GFI1B: variants seen among roughly 807,000 people sequenced by gnomAD.
GFI1B encodes zinc finger protein Gfi-1b.
GFI1B carries 20 observed loss-of-function variants against 35.3 expected under a neutral mutation model. The observed-to-expected ratio is 0.57, with a 90% CI of 0.40 to 0.82. The LOEUF (loss-of-function observed/expected upper bound fraction) is 0.82. Ranked by LOEUF, GFI1B falls within the 40% of genes least tolerant of loss-of-function variation. The pLI, the probability that GFI1B is intolerant of heterozygous loss-of-function variation, is 0.00. For synonymous variants in GFI1B, 178 were observed against 177.6 expected (o/e 1.00, Z -0.02); for missense variants, 430 against 446.3 (o/e 0.96, Z 0.33).
chr9:132,985,951 G>T (rs563215773), intron 1 of GFI1B, among the ~76,000 whole-genome samples: 3 of 152,316 alleles, frequency 2.0e-5, no homozygotes, highest in Non-Finnish European at 2.9e-5. Context: ...CCCAGTCCCT[G>T]CCTTTCCTTT....
chr9:132,962,264 A>G (rs1848379423), intron 1 of GFI1B, among the ~76,000 whole-genome samples: 1 of 151,686 alleles, frequency 6.6e-6, no homozygotes, highest in South Asian at 2.1e-4. Context: ...AAGCCTCCCA[A>G]GTAGCTGGGG....
At position 132,986,866 on chromosome 9, in the gene GFI1B, G is replaced by T. The variant is rs2132641512; in HGVS notation, c.100+88G>T. Reference sequence around the variant, plus strand: ...AGGGTGCAGCAGCGTCCCTCCTGCAGCAGCCTCTTCTTCCAAGTCTGGAAA... The same window carrying T: ...AGGGTGCAGCAGCGTCCCTCCTGCATCAGCCTCTTCTTCCAAGTCTGGAAA... On this transcript the variant is annotated intron_variant, in intron 2 of 6. Coordinates refer to ENST00000372122, the MANE Select transcript of GFI1B (RefSeq NM_001377304.1). The T allele has an allele frequency of 5.1e-6, 4 of 790,364 alleles. No individual in the cohort carries two copies. In the East Asian group the frequency reaches 8.0e-5, roughly 16 times the overall value. 49.0% of individuals were successfully genotyped at this position (790,364 alleles called of 1,614,324 possible).
intron 1 of GFI1B, among the ~76,000 whole-genome samples, chr9:132,954,702 G>A (rs558732894): frequency 1.3e-5 from 2 of 151,996 alleles, no homozygotes; most frequent in Non-Finnish European, 2.9e-5. Context: ...GATTACAGGT[G>A]TGAGCAACCA....
intron 1 of GFI1B, chr9:132,953,288 A>G (rs1454241674): frequency 6.6e-6 from 1 of 152,186 alleles, no homozygotes; most frequent in Non-Finnish European, 1.5e-5. Context: ...TAAAATATGA[A>G]TCTTTAACTT....
intron 2 of GFI1B, 93 bp downstream of exon 2, chr9:132,986,871 C>T: frequency 1.3e-6 from 1 of 772,214 alleles, no homozygotes; most frequent in Non-Finnish European, 2.2e-6. Flanking sequence ...CTGCAGCAGC[C>T]TCTTCTTCCA....
chr9:132,962,743 C>T (rs757582419), intron 1 of GFI1B: 19 of 400,320 alleles, frequency 4.7e-5, no homozygotes, highest in Non-Finnish European at 9.2e-5. Context: ...CTGAAAATGT[C>T]ACCATATCTG....
At chr9:132,982,839 G>C (rs917499737) in intron 1 of GFI1B, among the ~76,000 whole-genome samples, 1 of 152,104 alleles carries the variant, frequency 6.6e-6, no homozygotes, top group South Asian at 2.1e-4. Flanking sequence ...GAGAACACTG[G>C]GGGGAGGCAA....
chr9:132,986,623 G>T, intron 1 of GFI1B, 36 bp from the exon 2 acceptor site: 1 of 1,052,726 alleles, frequency 9.5e-7, no homozygotes, highest in Non-Finnish European at 1.5e-6. Context: ...TTGTTCTCTT[G>T]TCCTTCCTAA....
At chr9:132,982,284 C>G (rs1431540127) in intron 1 of GFI1B, among the ~76,000 whole-genome samples, 1 of 152,176 alleles carries the variant, frequency 6.6e-6, no homozygotes, top group East Asian at 1.9e-4. Context: ...ATAGGAAAAC[C>G]AAGCCCCAGG....
intron 1 of GFI1B, among the ~76,000 whole-genome samples, chr9:132,983,756 C>G (rs1848920556): frequency 6.6e-6 from 1 of 152,240 alleles, no homozygotes. Context: ...CACGTCGGCT[C>G]CACTCCCTCT....
chr9:132,976,471 A>G (rs187280973), upstream of GFI1B: 6 of 152,326 alleles, frequency 3.9e-5, no homozygotes, highest in African/African-American at 1.4e-4. Flanking sequence ...AATACTCAAG[A>G]TGTGTCCCTG....
At chr9:132,973,157 C>T (rs897593932) in intron 2 of GFI1B, among the ~76,000 whole-genome samples, 2 of 152,234 alleles carry the variant, frequency 1.3e-5, no homozygotes, top group Admixed American at 6.5e-5. Flanking sequence ...GGGTTCAGCT[C>T]ATGACCGTCA....
In GFI1B at chr9:132,991,167, A is replaced by G. The variant is rs1849283355; in HGVS notation, c.*117A>G. On this transcript the variant is annotated 3_prime_UTR_variant, in exon 7 of 7. Transcript: ENST00000372122. The stretch of plus-strand genomic sequence containing the variant: ...AGGTGGGACTGGACAGGAGTCTACC[A>G]GCTTGTTTTGAGACTCATGAAATTG... 2.1e-6 allele frequency: 2 copies of G among 936,042 alleles called. No individual in the cohort carries two copies. The highest frequency in any genetic ancestry group is 2.6e-5 in the East Asian group (1 of 38,512). The allele number at this position is 936,042 out of a possible 1,614,324, so 58.0% of individuals were successfully genotyped here.
At chr9:132,970,904 C>T (rs1367432637) in intron 1 of GFI1B, among the ~76,000 whole-genome samples, 1 of 152,118 alleles carries the variant, frequency 6.6e-6, no homozygotes, top group Non-Finnish European at 1.5e-5. Flanking sequence ...ATCAACCTGC[C>T]ATGTAAATTA....
intron 1 of GFI1B, among the ~76,000 whole-genome samples, chr9:132,963,040 C>T (rs1848391599): frequency 6.8e-6 from 1 of 147,260 alleles, no homozygotes; most frequent in Admixed American, 6.8e-5. Context: ...TGATATGGCG[C>T]CACTGCGCTC....
chr9:132,970,812 G>A (rs1440209513), intron 1 of GFI1B, among the ~76,000 whole-genome samples: 1 of 152,120 alleles, frequency 6.6e-6, no homozygotes, highest in Non-Finnish European at 1.5e-5. Context: ...TGGGATTTCT[G>A]TGAGTCTCTA....
intron 1 of GFI1B, among the ~76,000 whole-genome samples, chr9:132,965,525 G>T (rs542797198): frequency 6.7e-4 from 102 of 152,362 alleles, no homozygotes; most frequent in African/African-American, 2.4e-3. Context: ...TGTAATTAAT[G>T]ATCTCAAAAT....
Position 132,988,256 on chromosome 9 carries a change from C to G in GFI1B, c.298C>G (p.Pro100Ala). The G allele has an allele frequency of 1.1e-5, 18 of 1,614,074 alleles. No homozygotes were observed. The highest frequency in any genetic ancestry group is 1.5e-5 in the Non-Finnish European group (18 of 1,179,898). ...DGDSPLSDSPPFYKPSFSWDT... is the reference protein window; with the variant it reads ...DGDSPLSDSPAFYKPSFSWDT... ...GGACTCTCCACTGTCCGACTCACCC[C>G]CATTCTACAAGCCTAGCTTCTCCTG... Residue 100 changes from proline (P) to alanine (A), a missense_variant, in exon 4 of 7, where the codon CCA becomes GCA. Coordinates refer to ENST00000372122, the MANE Select transcript of GFI1B (RefSeq NM_001377304.1).
chr9:132,956,589 A>G (rs187758586), intron 1 of GFI1B, among the ~76,000 whole-genome samples: 27 of 152,338 alleles, frequency 1.8e-4, no homozygotes, highest in Non-Finnish European at 3.2e-4. Context: ...TTTAAAATGT[A>G]CCACCTGTTG....
Sources: gnomAD v4.1 joint callset for allele counts (sites outside exome capture counted in the v4.1 genomes callset) on GRCh38, gnomAD v4.1.1 for gene constraint, MANE v1.5 for transcripts, NCBI Gene and HGNC (gene_info 2026-07-23, HGNC 2026-07-21) for gene names.